SNRPA: variants seen among roughly 807,000 people sequenced by gnomAD.
SNRPA encodes U1 small nuclear ribonucleoprotein A.
Under a neutral mutation model 24.5 loss-of-function variants are expected in SNRPA, and 10 were observed. The ratio of observed to expected loss-of-function variants is 0.41; its 90% CI spans 0.25 to 0.69. The LOEUF (loss-of-function observed/expected upper bound fraction) is 0.69, where lower values mean the gene tolerates loss of function less well. Ranked by LOEUF, SNRPA falls within the 30% of genes least tolerant of loss-of-function variation. The pLI, the probability that SNRPA is intolerant of heterozygous loss-of-function variation, is 0.33. For missense variants in SNRPA, 283 were observed against 394.7 expected, an observed-to-expected ratio of 0.72 and a Z score of 2.40; for synonymous variants, 165 against 148.4, an observed-to-expected ratio of 1.11 and a Z score of -0.81.
intron 3 of SNRPA, among the ~76,000 whole-genome samples, chr19:40,760,938 C>T (rs1348253180): frequency 6.6e-6 from 1 of 151,976 alleles, no homozygotes; most frequent in Non-Finnish European, 1.5e-5. Context: ...GACCTTGTCT[C>T]TTTTTTGTTT....
At chr19:40,759,409 C>T (rs1381776852) in intron 2 of SNRPA, 22 bp from the exon 3 acceptor site, 7 of 1,594,804 alleles carry the variant, frequency 4.4e-6, no homozygotes, top group East Asian at 4.5e-5. Context: ...GCTCTTAACC[C>T]GTTCTGCTCT....
intron 2 of SNRPA, among the ~76,000 whole-genome samples, 170 bp from the exon 3 acceptor site, chr19:40,759,261 G>A (rs1257856194): frequency 6.6e-6 from 1 of 151,204 alleles, no homozygotes; most frequent in East Asian, 2.0e-4. Flanking sequence ...TGTTGGCCAA[G>A]CTGGTCTCCA....
intron 1 of SNRPA, among the ~76,000 whole-genome samples, chr19:40,754,880 C>T (rs1391106769): frequency 2.6e-5 from 4 of 151,976 alleles, no homozygotes; most frequent in Non-Finnish European, 5.9e-5. Flanking sequence ...GGCCCAGAGT[C>T]CCGTGGAATG....
intron 5 of SNRPA, among the ~76,000 whole-genome samples, chr19:40,764,660 C>T (rs1323582223): frequency 6.6e-6 from 1 of 152,130 alleles, no homozygotes; most frequent in Admixed American, 6.6e-5. Context: ...AACCCCTTCT[C>T]TCCTAAAAAT....
At chr19:40,764,368 A>G (rs1159078978) in intron 5 of SNRPA, among the ~76,000 whole-genome samples, 1 of 152,194 alleles carries the variant, frequency 6.6e-6, no homozygotes, top group Non-Finnish European at 1.5e-5. Context: ...GAGAACCTGA[A>G]AAATACAGAA....
Position 40,751,225 on chromosome 19 carries a change from A to G in SNRPA, c.-184A>G. 1.6e-6 allele frequency: 1 copy of G among 627,542 alleles called. No homozygotes were observed. The highest frequency in any genetic ancestry group is 2.9e-6 in the Non-Finnish European group (1 of 345,298). The allele number at this position is 627,542 out of a possible 1,614,324, so 38.9% of individuals were successfully genotyped here. ...GTTCTCTCCGCACGCGGGCTGGAGAAGCGGGTCCTACGCACGCTTTGTTGT... is the reference window on the plus strand; with the variant it reads ...GTTCTCTCCGCACGCGGGCTGGAGAGGCGGGTCCTACGCACGCTTTGTTGT... On this transcript the variant is annotated 5_prime_UTR_variant, in exon 1 of 6. Transcript: ENST00000243563.
chr19:40,763,071 G>A lies in SNRPA; in HGVS notation c.597G>A (p.Gln199=). The A allele has an allele frequency of 6.4e-7, 1 of 1,562,818 alleles. No homozygotes were observed. The highest frequency in any genetic ancestry group is 2.3e-5 in the East Asian group (1 of 44,292). Residue 199 remains glutamine (Q), a synonymous_variant, in exon 4 of 6, where the codon CAG becomes CAA. Coordinates refer to ENST00000243563, the MANE Select transcript of SNRPA (RefSeq NM_004596.5). ...QLMPGQMPPA[Q]PLSENPPNHI... is the part of the protein sequence containing the mutation. ...TGCCAGGACAGATGCCCCCTGCCCA[G>A]CCTGTGAGTATCTAGTCCCACCCAC... is the stretch of plus-strand genomic sequence containing the variant.
chr19:40,755,802 G>A (rs1194814280), intron 1 of SNRPA, among the ~76,000 whole-genome samples: 1 of 152,166 alleles, frequency 6.6e-6, no homozygotes, highest in Non-Finnish European at 1.5e-5. Flanking sequence ...GGTGAGATGT[G>A]GTGGTACCGG....
At chr19:40,762,792 T>G in intron 3 of SNRPA, 109 bp from the exon 4 acceptor site, 1 of 1,204,718 alleles carries the variant, frequency 8.3e-7, no homozygotes, top group Non-Finnish European at 1.2e-6. Flanking sequence ...TTTGCGCCTC[T>G]TTCTGGGTGT....
At position 40,751,244 on chromosome 19, in the gene SNRPA, T is replaced by C. The variant is rs1241433201; in HGVS notation, c.-165T>C. The C allele has an allele frequency of 1.5e-6, 1 of 662,740 alleles. No homozygotes were observed. Among genetic ancestry groups the C allele is most frequent in the Non-Finnish European group, 2.8e-6 (1 of 360,576 alleles). 41.1% of individuals were successfully genotyped at this position (662,740 alleles called of 1,614,324 possible). A position where few individuals can be genotyped will look rare whatever the true frequency, so the allele number is the denominator to read the frequency against. ...TGGAGAAGCGGGTCCTACGCACGCT[T>C]TGTTGTCGCGCTTTGCCTCCGTCCT... is the stretch of plus-strand genomic sequence containing the variant. On this transcript the variant is annotated 5_prime_UTR_variant, in exon 1 of 6. Coordinates refer to ENST00000243563, the MANE Select transcript of SNRPA (RefSeq NM_004596.5).
intron 1 of SNRPA, among the ~76,000 whole-genome samples, chr19:40,753,104 C>G (rs2082890426): frequency 6.6e-6 from 1 of 152,142 alleles, no homozygotes; most frequent in African/African-American, 2.4e-5. Context: ...CCTGTAATCT[C>G]AGCACTTTGG....
intron 5 of SNRPA, among the ~76,000 whole-genome samples, chr19:40,764,150 T>G (rs17713068): frequency 0.12 from 18,398 of 152,016 alleles, 1,285 homozygotes; most frequent in South Asian, 0.19. Context: ...CTGTTCACCA[T>G]TGTTGAGTGA....
intron 3 of SNRPA, among the ~76,000 whole-genome samples, chr19:40,761,409 C>T (rs745372825): frequency 4.7e-5 from 7 of 149,776 alleles, no homozygotes; most frequent in African/African-American, 9.8e-5. Context: ...CCAAATGTGA[C>T]AACTCACAAA....
At chr19:40,763,151 C>A in intron 4 of SNRPA, 77 bp downstream of exon 4, 1 of 1,208,932 alleles carries the variant, frequency 8.3e-7, no homozygotes, top group Non-Finnish European at 1.2e-6. Flanking sequence ...AGTTGGGGGG[C>A]TGCTGTAGGT....
chr19:40,760,821 C>G (rs945892297), intron 3 of SNRPA, among the ~76,000 whole-genome samples: 2 of 152,162 alleles, frequency 1.3e-5, no homozygotes, highest in African/African-American at 4.8e-5. Context: ...TTCCTGTAGT[C>G]CCAGCTGCTC....
chr19:40,753,382 A>ATTTTTTTT (rs1482457821), intron 1 of SNRPA, among the ~76,000 whole-genome samples: 7 of 62,210 alleles, frequency 1.1e-4, no homozygotes, highest in Non-Finnish European at 1.7e-4. Context: ...AATTTTGCAT[A>ATTTTTTTT]TGTTTTTTTT....
rs1363569282 is a variant in SNRPA at position 40,762,988 on chromosome 19, C to T, written c.514C>T (p.Pro172Ser). The T allele has an allele frequency of 6.2e-7, 1 of 1,611,858 alleles. No homozygotes were observed. The highest frequency in any genetic ancestry group is 8.5e-7 in the Non-Finnish European group (1 of 1,178,564). The change falls in exon 4 of 6, where the codon CCG (proline) becomes TCG (serine). Residue 172 changes from proline to serine, a missense_variant. Coordinates refer to ENST00000243563, the MANE Select transcript of SNRPA (RefSeq NM_004596.5). ...CATGCCGCCCCCTGGTATGATCCCC[C>T]CGCCAGGCCTTGCACCTGGCCAGAT... Reference protein sequence around the residue: ...PYMPPPGMIPPPGLAPGQIPP... With the variant: ...PYMPPPGMIPSPGLAPGQIPP...
intron 3 of SNRPA, among the ~76,000 whole-genome samples, chr19:40,762,212 CTTTG>C (rs1201374214): frequency 6.6e-6 from 1 of 151,748 alleles, no homozygotes; most frequent in African/African-American, 2.4e-5. Flanking sequence ...CACTGCCCTC[CTTTG>C]TTTTTGTTTT....
intron 3 of SNRPA, 78 bp from the exon 4 acceptor site, chr19:40,762,823 C>G (rs1010871312): frequency 6.8e-7 from 1 of 1,468,344 alleles, no homozygotes; most frequent in Non-Finnish European, 9.3e-7. Context: ...ATCTCTCACC[C>G]GCTAGGTTTC....
Sources: gnomAD v4.1 joint callset for allele counts (sites outside exome capture counted in the v4.1 genomes callset) on GRCh38, gnomAD v4.1.1 for gene constraint, MANE v1.5 for transcripts, NCBI Gene and HGNC (gene_info 2026-07-23, HGNC 2026-07-21) for gene names.